The following CDH4 variants were observed in gnomAD, a reference collection of about 807,000 sequenced individuals.
The protein encoded by CDH4 is cadherin-4.
A neutral mutation model predicts 86.0 loss-of-function variants in CDH4; 33 were observed. That is an observed-to-expected ratio of 0.38 (90% CI 0.29 to 0.51). CDH4 has a LOEUF of 0.51. CDH4 is among the 20% of genes least tolerant of loss of function. The pLI is 0.86. For synonymous variants in CDH4, 555 were observed against 549.4 expected, an observed-to-expected ratio of 1.01 and a Z score of -0.14; for missense variants, 1,114 against 1,307.4, an observed-to-expected ratio of 0.85 and a Z score of 2.28.
chr20:61,281,595 C>G (rs2084259333), intron 2 of CDH4, among the ~76,000 whole-genome samples: 1 of 152,214 alleles, frequency 6.6e-6, no homozygotes. Context: ...CCGTCCCAGC[C>G]CCGCCTCCCG....
chr20:61,859,956 G>C (rs75372669), intron 6 of CDH4, among the ~76,000 whole-genome samples: 1 of 152,248 alleles, frequency 6.6e-6, no homozygotes, highest in South Asian at 2.1e-4. Context: ...GCACTGCCGC[G>C]TGACCACAGC....
intron 4 of CDH4, among the ~76,000 whole-genome samples, chr20:61,834,298 C>A (rs1981766811): frequency 6.6e-6 from 1 of 152,224 alleles, no homozygotes; most frequent in Non-Finnish European, 1.5e-5. Flanking sequence ...CCTTCTGGGG[C>A]CTGTGGCCTA....
At chr20:61,730,219 A>ACAAATGCATGGTGGGTTTGGAC (rs1359313306) in intron 2 of CDH4, among the ~76,000 whole-genome samples, 1 of 152,006 alleles carries the variant, frequency 6.6e-6, no homozygotes. Context: ...GTGGGTTTGG[A>ACAAATGCATGGTGGGTTTGGAC]CAAATGCATG....
intron 2 of CDH4, among the ~76,000 whole-genome samples, chr20:61,463,804 C>G (rs1347378011): frequency 2.6e-5 from 4 of 152,120 alleles, no homozygotes; most frequent in African/African-American, 9.7e-5. Context: ...ATATTCAGCA[C>G]TGGGTGAGCT....
At position 61,894,973 on chromosome 20, in the gene CDH4, C is replaced by T; in HGVS notation, c.1114C>T (p.Leu372Phe). 1 of 1,613,926 alleles carries T rather than the reference C, an allele frequency of 6.2e-7. No individual in the cohort carries two copies. The highest frequency in any genetic ancestry group is 8.5e-7 in the Non-Finnish European group (1 of 1,179,992). Residue 372 changes from leucine to phenylalanine, a missense_variant, in exon 8 of 16, where the codon CTC becomes TTC. By Grantham distance (22) the Leu-to-Phe change is conservative. Transcript: ENST00000614565. ...TATGGAAGGAAATCTCAACTATGGC[C>T]TCTCAAACACAGCCACAGCCATCAT... ...TDMEGNLNYG[L>F]SNTATAIITV...
At chr20:61,786,618 C>A (rs1185876339) in intron 4 of CDH4, among the ~76,000 whole-genome samples, 1 of 152,158 alleles carries the variant, frequency 6.6e-6, no homozygotes, top group Non-Finnish European at 1.5e-5. Context: ...AAAGTAAAAT[C>A]AAATTGCTGC....
chr20:61,439,402 A>G (rs1035544273), intron 2 of CDH4, among the ~76,000 whole-genome samples: 8 of 152,128 alleles, frequency 5.3e-5, no homozygotes, highest in Admixed American at 5.2e-4. Context: ...TTTCTCATGC[A>G]CCTGCACTCA....
At chr20:61,635,437 A>G (rs1290878361) in intron 2 of CDH4, among the ~76,000 whole-genome samples, 2 of 152,160 alleles carry the variant, frequency 1.3e-5, no homozygotes, top group African/African-American at 4.8e-5. Flanking sequence ...GCCCTCACCC[A>G]TCCTGTGCCC....
At chr20:61,675,935 T>C (rs6061721) in intron 2 of CDH4, among the ~76,000 whole-genome samples, 2,026 of 152,344 alleles carry the variant, frequency 0.013, 40 homozygotes, top group African/African-American at 0.046. Flanking sequence ...GGAGGGTTGC[T>C]CTACCTGGAG....
intron 7 of CDH4, among the ~76,000 whole-genome samples, chr20:61,887,409 G>A (rs761109036): frequency 2.9e-4 from 44 of 151,916 alleles, no homozygotes; most frequent in Non-Finnish European, 5.6e-4. Flanking sequence ...CACACAACAC[G>A]CATGCACATC....
intron 6 of CDH4, among the ~76,000 whole-genome samples, chr20:61,867,803 G>T (rs764778972): frequency 6.6e-6 from 1 of 152,202 alleles, no homozygotes; most frequent in Non-Finnish European, 1.5e-5. Flanking sequence ...GCCACTGCAA[G>T]CTTCTAATGA....
At chr20:61,907,145 AG>A (rs1286120782) in intron 8 of CDH4, among the ~76,000 whole-genome samples, 2 of 151,878 alleles carry the variant, frequency 1.3e-5, no homozygotes, top group Non-Finnish European at 2.9e-5. Context: ...TGAGGACACC[AG>A]GGGGACTATC....
At chr20:61,656,349 G>A (rs868613026) in intron 2 of CDH4, among the ~76,000 whole-genome samples, 43 of 143,076 alleles carry the variant, frequency 3.0e-4, no homozygotes, top group African/African-American at 1.1e-3. Context: ...GGGTAGGCGC[G>A]TGCTGAAGTG....
intron 3 of CDH4, among the ~76,000 whole-genome samples, chr20:61,755,634 C>T (rs973178234): frequency 5.9e-5 from 9 of 151,298 alleles, no homozygotes; most frequent in African/African-American, 9.7e-5. Context: ...ACATGCCCCA[C>T]ACACCACACA....
intron 2 of CDH4, among the ~76,000 whole-genome samples, chr20:61,701,742 G>C (rs571525458): frequency 1.3e-5 from 2 of 152,350 alleles, no homozygotes; most frequent in South Asian, 4.1e-4. Flanking sequence ...CGGCTCACGC[G>C]GGGATCTCCC....
At chr20:61,474,192 A>T (rs141382947) in intron 2 of CDH4, among the ~76,000 whole-genome samples, 1,452 of 111,540 alleles carry the variant, frequency 0.013, 36 homozygotes, top group African/African-American at 0.048. Flanking sequence ...ATGGAGTCTG[A>T]CTCTGTTGCC....
chr20:61,682,159 A>C (rs545090551), intron 2 of CDH4, among the ~76,000 whole-genome samples: 1 of 152,266 alleles, frequency 6.6e-6, no homozygotes, highest in South Asian at 2.1e-4. Context: ...AGATGGATGG[A>C]CAGGTGGATG....
chr20:61,692,159 G>A (rs1463511975), intron 2 of CDH4, among the ~76,000 whole-genome samples: 1 of 150,494 alleles, frequency 6.6e-6, no homozygotes, highest in Admixed American at 6.6e-5. Flanking sequence ...GTATGTATGT[G>A]TGTCTGCATG....
In CDH4 at chr20:61,529,897, C is replaced by A. The variant is rs181715137; in HGVS notation, c.170-213666C>A. On this transcript the variant is annotated intron_variant, in intron 2 of 15. Transcript: ENST00000614565. ...ATGTCACCCAGGCTAGAGTGCAGTG[C>A]CACAATCTTGACTCATTGTAACCTC... Among the ~76,000 whole-genome samples, 2 of 152,038 alleles carry A rather than the reference C, an allele frequency of 1.3e-5. 1 individual carries two copies. Among genetic ancestry groups the A allele is most frequent in the South Asian group, 4.2e-4 (2 of 4,816 alleles).
Sources: allele counts gnomAD v4.1 joint callset (sites outside exome capture counted in the v4.1 genomes callset), GRCh38; gene constraint gnomAD v4.1.1; transcripts MANE v1.5; gene names NCBI Gene and HGNC (gene_info 2026-07-23, HGNC 2026-07-21).